The following TNRC6B variants were observed in gnomAD, a reference collection of about 807,000 sequenced individuals.
TNRC6B encodes the protein trinucleotide repeat containing adaptor 6B.
Under a neutral mutation model 203.6 loss-of-function variants are expected in TNRC6B, and 52 were observed. The ratio of observed to expected loss-of-function variants is 0.26; its 90% CI spans 0.20 to 0.32. The LOEUF (loss-of-function observed/expected upper bound fraction) is 0.32. TNRC6B is among the 10% of genes least tolerant of loss of function. The pLI is 1.00. For synonymous variants in TNRC6B, 838 were observed against 845.7 expected (o/e 0.99, Z 0.16); for missense variants, 1,923 against 2,286.2 (o/e 0.84, Z 3.24).
At chr22:40,226,405 A>ACAGTAGTGCAGAC (rs1282600002) in intron 1 of TNRC6B, among the ~76,000 whole-genome samples, 25 of 152,228 alleles carry the variant, frequency 1.6e-4, no homozygotes, top group Non-Finnish European at 2.9e-5. Context: ...ACACAAACTT[A>ACAGTAGTGCAGAC]ATAAAATGAC....
intron 12 of TNRC6B, among the ~76,000 whole-genome samples, chr22:40,289,104 C>T (rs147838394): frequency 1.6e-4 from 25 of 151,866 alleles, no homozygotes; most frequent in Admixed American, 1.1e-3. Flanking sequence ...CGTGAGCCAC[C>T]GCGCCCAGCC....
At chr22:40,198,507 T>C (rs1404595632) in intron 1 of TNRC6B, among the ~76,000 whole-genome samples, 1 of 152,040 alleles carries the variant, frequency 6.6e-6, no homozygotes, top group Non-Finnish European at 1.5e-5. Context: ...TCTGGTGTGC[T>C]GTGTCAGAGC....
At chr22:40,322,777 A>G in intron 22 of TNRC6B, 77 bp from the exon 23 acceptor site, 1 of 1,539,670 alleles carries the variant, frequency 6.5e-7, no homozygotes, top group South Asian at 1.2e-5. Context: ...ATTGAATGTC[A>G]AGGACTGCAG....
chr22:40,060,277 G>C (rs1211773907), intron 1 of TNRC6B, among the ~76,000 whole-genome samples: 1 of 149,212 alleles, frequency 6.7e-6, no homozygotes, highest in Non-Finnish European at 1.5e-5. Context: ...CTAAAGTGCA[G>C]TGGCACGATC....
intron 1 of TNRC6B, among the ~76,000 whole-genome samples, chr22:40,110,647 C>T (rs1295936474): frequency 6.6e-6 from 1 of 152,186 alleles, no homozygotes; most frequent in Non-Finnish European, 1.5e-5. Context: ...TCTGGTCATT[C>T]CTACTTTGGA....
intron 11 of TNRC6B, among the ~76,000 whole-genome samples, chr22:40,285,053 T>G (rs2070763982): frequency 6.6e-6 from 1 of 152,192 alleles, no homozygotes; most frequent in African/African-American, 2.4e-5. Context: ...TAATGTTTAT[T>G]TTGGTGTCCC....
intron 1 of TNRC6B, among the ~76,000 whole-genome samples, chr22:40,085,440 A>G (rs895049271): frequency 1.3e-5 from 2 of 152,212 alleles, no homozygotes; most frequent in Non-Finnish European, 2.9e-5. Flanking sequence ...ATGTTTCCTA[A>G]GCTTCTTTAT....
At chr22:40,297,987 T>C (rs1029628410) in intron 12 of TNRC6B, among the ~76,000 whole-genome samples, 2 of 151,070 alleles carry the variant, frequency 1.3e-5, no homozygotes, top group Non-Finnish European at 2.9e-5. Context: ...TAGCCGGGCA[T>C]GGTGGCAGGC....
upstream of TNRC6B, among the ~76,000 whole-genome samples, chr22:40,177,010 C>T (rs1486133902): frequency 6.6e-6 from 1 of 152,200 alleles, no homozygotes. Context: ...AAGGGACTTA[C>T]TTACTTGCTG....
At chr22:40,246,215 A>T in intron 2 of TNRC6B, 113 bp downstream of exon 2, 3 of 804,262 alleles carry the variant, frequency 3.7e-6, no homozygotes, top group Non-Finnish European at 5.6e-6. Context: ...CCTGAGATGG[A>T]GTCTTGCTCT....
chr22:40,222,730 T>C (rs1041893), intron 1 of TNRC6B, among the ~76,000 whole-genome samples: 46 of 40,312 alleles, frequency 1.1e-3, no homozygotes, highest in East Asian at 2.1e-3. Flanking sequence ...CTCTCTCTCT[T>C]TTTTTTTTTT....
chr22:40,153,179 A>T (rs1036555471), intron 3 of TNRC6B, among the ~76,000 whole-genome samples: 16 of 152,214 alleles, frequency 1.1e-4, no homozygotes, highest in Non-Finnish European at 2.2e-4. Context: ...CAGTCATTCA[A>T]GGTCTCAAAA....
chr22:40,285,991 T>A (rs1394191983), intron 12 of TNRC6B, among the ~76,000 whole-genome samples: 1 of 152,200 alleles, frequency 6.6e-6, no homozygotes. Flanking sequence ...CAAATCTCAT[T>A]TTTTATTTCA....
intron 2 of TNRC6B, among the ~76,000 whole-genome samples, chr22:40,248,998 G>T (rs574335422): frequency 2.6e-5 from 4 of 152,154 alleles, no homozygotes; most frequent in African/African-American, 9.7e-5. Flanking sequence ...CCTCAGCTAG[G>T]AGCCATAAAA....
chr22:40,276,895 CAT>C lies in TNRC6B; in HGVS notation c.3142-180_3142-179del, dbSNP rs531967713. ...GTGGTGAATTTTATAAAAATGAAAA[CAT>C]AGATATAACTAGGGCTTATTAATCA... On this transcript the variant is annotated intron_variant, in intron 7 of 22. Coordinates refer to ENST00000454349, the MANE Select transcript of TNRC6B (RefSeq NM_001162501.2). 82 of 403,806 alleles carry C rather than the reference CAT, an allele frequency of 2.0e-4. 1 individual carries two copies. The highest frequency in any genetic ancestry group is 1.5e-4 in the Non-Finnish European group (34 of 230,812). 25.0% of individuals were successfully genotyped at this position (403,806 alleles called of 1,614,324 possible).
At position 40,265,229 on chromosome 22, in the gene TNRC6B, T is replaced by G; in HGVS notation, c.999T>G (p.Ser333Arg). The G allele has an allele frequency of 2.5e-6, 4 of 1,614,002 alleles. No homozygotes were observed. Among genetic ancestry groups the G allele is most frequent in the Non-Finnish European group, 2.5e-6 (3 of 1,179,894 alleles). ...TGGAAACAGATAATAGTAATTCCAG[T>G]GCACAGGTTAGCACAGTAGGTCAGA... ...GALETDNSNS[S>R]AQVSTVGQTS... Residue 333 changes from serine to arginine, a missense_variant, in exon 5 of 23, where the codon AGT becomes AGG. Transcript: ENST00000454349.
At chr22:40,251,315 G>A (rs2070189463) in intron 3 of TNRC6B, 115 bp downstream of exon 3, 15 of 772,154 alleles carry the variant, frequency 1.9e-5, no homozygotes, top group Non-Finnish European at 2.7e-5. Flanking sequence ...AGTAATTAAG[G>A]TGGGTTGTTT....
At position 40,326,033 on chromosome 22, in the gene TNRC6B, A is replaced by G. The variant is rs2071397781; in HGVS notation, c.*2792A>G. ...GGAAAAAAACTAAAAACTTTAAAAA[A>G]AAAAGACCAAAAAGTGCGTATATAT... On this transcript the variant is annotated 3_prime_UTR_variant, in exon 23 of 23. Transcript: ENST00000454349. 6.6e-6 allele frequency: 1 copy of G among 152,548 alleles called. No individual in the cohort carries two copies. Among genetic ancestry groups the G allele is most frequent in the African/African-American group, 2.4e-5 (1 of 41,450 alleles). 9.4% of individuals were successfully genotyped at this position (152,548 alleles called of 1,614,324 possible).
chr22:40,088,693 G>A (rs368477525), intron 1 of TNRC6B, among the ~76,000 whole-genome samples: 5 of 151,354 alleles, frequency 3.3e-5, no homozygotes, highest in African/African-American at 1.2e-4. Context: ...GACCTCAGGT[G>A]ATCCACCCAC....
Sources: gnomAD v4.1 joint callset for allele counts (sites outside exome capture counted in the v4.1 genomes callset) on GRCh38, gnomAD v4.1.1 for gene constraint, MANE v1.5 for transcripts, NCBI Gene and HGNC (gene_info 2026-07-23, HGNC 2026-07-21) for gene names.